Variants in NUP188 observed in about 807,000 individuals in gnomAD.
NUP188 encodes the protein nucleoporin NUP188.
Under a neutral mutation model 223.0 loss-of-function variants are expected in NUP188, and 97 were observed. The observed-to-expected ratio is 0.43, with a 90% confidence interval of 0.37 to 0.51. NUP188 has a LOEUF of 0.51. NUP188 is among the 20% of genes least tolerant of loss of function. The probability of loss-of-function intolerance (pLI) is 0.00; values close to 1 mark genes in which losing one functional copy is unlikely to be tolerated. For missense variants in NUP188, 1,947 were observed against 2,175.6 expected (o/e 0.89, Z 2.09); for synonymous variants, 869 against 828.0 (o/e 1.05, Z -0.85).
At chr9:129,002,468 C>T (rs1447275937) in intron 36 of NUP188, among the ~76,000 whole-genome samples, 1 of 152,224 alleles carries the variant, frequency 6.6e-6, no homozygotes, top group Non-Finnish European at 1.5e-5. Flanking sequence ...GTAGTCTTCA[C>T]CTGAACCTCT....
At chr9:129,001,277 G>A (rs967808810) in intron 34 of NUP188, among the ~76,000 whole-genome samples, 1 of 149,326 alleles carries the variant, frequency 6.7e-6, no homozygotes, top group Non-Finnish European at 1.5e-5. Context: ...TGGGAGGTGG[G>A]AGGGAAGAGG....
At chr9:128,975,116 C>T (rs1311798550) in intron 12 of NUP188, among the ~76,000 whole-genome samples, 1 of 151,830 alleles carries the variant, frequency 6.6e-6, no homozygotes, top group Non-Finnish European at 1.5e-5. Flanking sequence ...CTTTCTAAAT[C>T]TGTTTGACAC....
In NUP188 at chr9:128,968,710, C is replaced by A; in HGVS notation, c.790C>A (p.Arg264=). 6.2e-7 allele frequency: 1 copy of A among 1,612,102 alleles called. No individual in the cohort carries two copies. Among genetic ancestry groups the A allele is most frequent in the Non-Finnish European group, 8.5e-7 (1 of 1,178,268 alleles). Residue 264 remains arginine (R), a synonymous_variant, in exon 9 of 44, where the codon CGG becomes AGG. Coordinates refer to ENST00000372577, the MANE Select transcript of NUP188 (RefSeq NM_015354.3). ...TGAGACTATGGATCCTTTTGTAGATCGGATTGGGTAAGTCAGTGAATTGAA... is the reference window on the plus strand; with the variant it reads ...TGAGACTATGGATCCTTTTGTAGATAGGATTGGGTAAGTCAGTGAATTGAA... ...VDETMDPFVD[R]IGYFSALILV...
chr9:128,992,188 G>T (rs1588286747), intron 25 of NUP188, among the ~76,000 whole-genome samples: 2 of 151,856 alleles, frequency 1.3e-5, no homozygotes, highest in East Asian at 2.0e-4. Context: ...GAGCCACCGC[G>T]CCCAGCCCTT....
chr9:128,999,680 G>A lies in NUP188; in HGVS notation c.3718G>A (p.Glu1240Lys). Residue 1240 changes from glutamate to lysine, a missense_variant, in exon 34 of 44, where the codon GAG becomes AAG. Glu to Lys is a moderately conservative substitution (Grantham distance 56). Coordinates refer to ENST00000372577, the MANE Select transcript of NUP188 (RefSeq NM_015354.3). ...LVLNVCETLQ[E>K]EVIALFDQTR... is the part of the protein sequence containing the mutation. ...GCTGAATGTCTGTGAGACCCTCCAA[G>A]AGGAAGTGATTGCACTCTTCGACCA... is the stretch of plus-strand genomic sequence containing the variant. 6.2e-7 allele frequency: 1 copy of A among 1,614,162 alleles called. No homozygotes were observed. The highest frequency in any genetic ancestry group is 8.5e-7 in the Non-Finnish European group (1 of 1,180,040).
chr9:128,994,326 T>C, intron 27 of NUP188, 47 bp from the exon 28 acceptor site: 1 of 1,316,756 alleles, frequency 7.6e-7, no homozygotes, highest in Non-Finnish European at 1.1e-6. Context: ...AGAAAATGAC[T>C]GTGAGAGGGA....
intron 39 of NUP188, 33 bp downstream of exon 39, chr9:129,005,254 C>A (rs997653723): frequency 1.7e-5 from 27 of 1,612,872 alleles, no homozygotes; most frequent in Non-Finnish European, 2.3e-5. Context: ...TCCTGGAATA[C>A]CTCACGCTAG....
chr9:128,989,439 G>A (rs1198557469), intron 24 of NUP188, among the ~76,000 whole-genome samples: 1 of 152,146 alleles, frequency 6.6e-6, no homozygotes. Context: ...AGTGGCTCAC[G>A]CTTTTAATCC....
intron 31 of NUP188, 39 bp downstream of exon 31, chr9:128,998,267 G>C (rs769436402): frequency 1.3e-6 from 2 of 1,552,024 alleles, no homozygotes; most frequent in South Asian, 2.2e-5. Flanking sequence ...CTCCCAGGGA[G>C]GTTGTCTTTG....
chr9:128,970,326 A>G (rs17507985), intron 10 of NUP188, among the ~76,000 whole-genome samples: 5,019 of 152,234 alleles, frequency 0.033, 277 homozygotes, highest in African/African-American at 0.11. Flanking sequence ...TGATTCATTC[A>G]TGGAGATGGT....
Position 128,970,612 on chromosome 9 carries a change from AC to A in NUP188, c.913-145del, listed in dbSNP as rs1047888545. 1.1e-5 allele frequency: 7 copies of A among 655,600 alleles called. No individual in the cohort carries two copies. The African/African-American group carries it at 1.3e-4, about 12-fold the overall frequency. The allele number at this position is 655,600 out of a possible 1,614,324, so 40.6% of individuals were successfully genotyped here. ...AATTGAGGGGTTTATTAGTGAGGTG[AC>A]TGGGGGTTTGAGAAGAGTGAAATAT... On this transcript the variant is annotated intron_variant, in intron 10 of 43. Transcript: ENST00000372577.
rs549962239 is a variant in NUP188, at chr9:128,998,717, T to A, written c.3515+94T>A. On this transcript the variant is annotated intron_variant, in intron 32 of 43. Coordinates refer to ENST00000372577, the MANE Select transcript of NUP188 (RefSeq NM_015354.3). ...AAAGGGAGAAATAGTGGGTGGAAGC[T>A]GGGCTGGTTTTCCATCTTGAGGAAT... 76 of 1,016,278 alleles carry A rather than the reference T, an allele frequency of 7.5e-5. No individual in the cohort carries two copies. The African/African-American group carries it at 9.9e-4, about 13-fold the overall frequency. 63.0% of individuals were successfully genotyped at this position (1,016,278 alleles called of 1,614,324 possible).
chr9:128,956,455 G>A (rs762164942), intron 4 of NUP188, 21 bp downstream of exon 4: 8 of 1,354,714 alleles, frequency 5.9e-6, no homozygotes, highest in Non-Finnish European at 6.2e-6. Context: ...ATTAGCACTC[G>A]CTCAATTTAT....
intron 1 of NUP188, 156 bp downstream of exon 1, chr9:128,947,907 A>C: frequency 5.2e-6 from 3 of 574,882 alleles, no homozygotes; most frequent in Non-Finnish European, 7.9e-6. Context: ...TTACGTCCAA[A>C]CGGTCCCCGC....
intron 8 of NUP188, among the ~76,000 whole-genome samples, chr9:128,967,922 T>C (rs989956943): frequency 2.0e-5 from 3 of 151,886 alleles, no homozygotes; most frequent in Non-Finnish European, 2.9e-5. Context: ...GGGTGTACTC[T>C]GGGTGTACTC....
At chr9:128,979,446 T>C in intron 13 of NUP188, 119 bp downstream of exon 13, 1 of 639,588 alleles carries the variant, frequency 1.6e-6, no homozygotes. Flanking sequence ...TAAAAACGTA[T>C]GAAGTAGATA....
chr9:128,993,288 A>G lies in NUP188; in HGVS notation c.2732A>G (p.Asp911Gly). The G allele has an allele frequency of 2.5e-6, 4 of 1,614,168 alleles. No homozygotes were observed. Among genetic ancestry groups the G allele is most frequent in the Non-Finnish European group, 3.4e-6 (4 of 1,179,988 alleles). Residue 911 changes from aspartate to glycine, a missense_variant, in exon 26 of 44, where the codon GAC (aspartate) becomes GGC (glycine). By Grantham distance (94) the Asp-to-Gly change is moderately conservative. Transcript: ENST00000372577. ...FLTRLQSKIEDMRIKVMILEF... is the reference protein window; with the variant it reads ...FLTRLQSKIEGMRIKVMILEF... The stretch of plus-strand genomic sequence containing the variant: ...ACCCGATTGCAGAGCAAAATTGAGG[A>G]CATGCGCATCAAAGTCATGATTCTA...
chr9:129,001,422 A>G, intron 34 of NUP188, 107 bp from the exon 35 acceptor site: 1 of 906,114 alleles, frequency 1.1e-6, no homozygotes, highest in South Asian at 1.4e-5. Context: ...TCACTTAGCA[A>G]TGTGTGTAAC....
At chr9:128,959,417 C>G (rs1162524701) in intron 8 of NUP188, among the ~76,000 whole-genome samples, 1 of 151,304 alleles carries the variant, frequency 6.6e-6, no homozygotes, top group Non-Finnish European at 1.5e-5. Flanking sequence ...GCTGGGATTA[C>G]AAGTGTGAGC....
Sources: allele counts gnomAD v4.1 joint callset (sites outside exome capture counted in the v4.1 genomes callset), GRCh38; gene constraint gnomAD v4.1.1; transcripts MANE v1.5; gene names NCBI Gene and HGNC (gene_info 2026-07-23, HGNC 2026-07-21).